Variants in MYO16 observed in about 807,000 individuals in gnomAD.
MYO16 encodes unconventional myosin-XVI.
In MYO16, 94 loss-of-function variants were observed where a neutral mutation model predicts 205.3. The ratio of observed to expected loss-of-function variants is 0.46; its 90% CI spans 0.39 to 0.54. The LOEUF (loss-of-function observed/expected upper bound fraction) is 0.54. Among genes scored for constraint, MYO16 ranks in the 20% least tolerant of loss-of-function variants. The pLI, the probability that MYO16 is intolerant of heterozygous loss-of-function variation, is 0.00. For missense variants in MYO16, 2,315 were observed against 2,387.5 expected, an observed-to-expected ratio of 0.97 and a Z score of 0.63; for synonymous variants, 988 against 954.0, an observed-to-expected ratio of 1.04 and a Z score of -0.66.
chr13:108,720,789 C>T (rs781517762), intron 3 of MYO16, among the ~76,000 whole-genome samples: 20 of 152,262 alleles, frequency 1.3e-4, no homozygotes, highest in Non-Finnish European at 2.2e-4. Context: ...ATAGATCCAA[C>T]GCTCATTTTA....
At chr13:108,672,017 A>T (rs17478999) in intron 2 of MYO16, among the ~76,000 whole-genome samples, 23,048 of 152,158 alleles carry the variant, frequency 0.15, 2,004 homozygotes, top group Non-Finnish European at 0.2. Flanking sequence ...CCCAAGTATA[A>T]AATAATGGAT....
chr13:108,659,350 A>G, intron 1 of MYO16: 2 of 424,472 alleles, frequency 4.7e-6, no homozygotes, highest in Non-Finnish European at 9.4e-6. Context: ...AAACACATCT[A>G]TTTAGATGTC....
At chr13:109,002,137 G>A (rs1433187440) in intron 21 of MYO16, among the ~76,000 whole-genome samples, 1 of 152,132 alleles carries the variant, frequency 6.6e-6, no homozygotes, top group Non-Finnish European at 1.5e-5. Flanking sequence ...TAATTGGTTT[G>A]GGGTCAGGCC....
chr13:108,764,394 T>A (rs1212242894), intron 4 of MYO16, among the ~76,000 whole-genome samples: 4 of 152,202 alleles, frequency 2.6e-5, no homozygotes. Flanking sequence ...CTGTATATCC[T>A]CAGAGCAGAT....
At chr13:108,533,544 C>T in the MYO16 span, among the ~76,000 whole-genome samples, 2 of 152,182 alleles carry the variant, frequency 1.3e-5, no homozygotes, top group African/African-American at 4.8e-5. Flanking sequence ...GGTGAACTTT[C>T]TGGATTGGCA....
chr13:108,612,992 G>A (rs1012829782), intron 1 of MYO16, among the ~76,000 whole-genome samples: 1 of 152,050 alleles, frequency 6.6e-6, no homozygotes, highest in African/African-American at 2.4e-5. Context: ...GTTTGAAGAC[G>A]ATATAGTGTT....
At chr13:109,013,292 G>T in intron 22 of MYO16, among the ~76,000 whole-genome samples, 1 of 152,052 alleles carries the variant, frequency 6.6e-6, no homozygotes, top group East Asian at 1.9e-4. Context: ...CAAAGGACAT[G>T]AACTCATCCT....
intron 2 of MYO16, among the ~76,000 whole-genome samples, chr13:108,685,092 G>A (rs927016679): frequency 6.0e-5 from 9 of 149,148 alleles, no homozygotes; most frequent in African/African-American, 9.9e-5. Context: ...ACACGATCTC[G>A]GCTCACTGCA....
upstream of MYO16, among the ~76,000 whole-genome samples, chr13:108,627,055 A>C (rs118002932): frequency 0.014 from 2,065 of 149,660 alleles, 60 homozygotes; most frequent in South Asian, 0.11. Context: ...TCAGGGATGG[A>C]TATAGAGGAG....
At chr13:108,679,713 A>C (rs1182946202) in intron 2 of MYO16, among the ~76,000 whole-genome samples, 1 of 131,778 alleles carries the variant, frequency 7.6e-6, no homozygotes, top group Non-Finnish European at 1.7e-5. Flanking sequence ...TGGTTCTGCA[A>C]AAAAAAAAAT....
intron 21 of MYO16, among the ~76,000 whole-genome samples, chr13:108,994,830 T>C (rs2139444574): frequency 6.6e-6 from 1 of 152,256 alleles, no homozygotes; most frequent in Non-Finnish European, 1.5e-5. Context: ...AAAGTCTTCA[T>C]AGTGGATTTC....
intron 20 of MYO16, among the ~76,000 whole-genome samples, chr13:108,969,501 G>A (rs1168555271): frequency 6.6e-6 from 1 of 152,056 alleles, no homozygotes; most frequent in Non-Finnish European, 1.5e-5. Context: ...TCTCTTCACT[G>A]TCCACTTTTC....
chr13:108,517,931 C>G, the MYO16 span, among the ~76,000 whole-genome samples: 2 of 152,134 alleles, frequency 1.3e-5, no homozygotes, highest in Non-Finnish European at 2.9e-5. Context: ...GGAACTCGCT[C>G]CAGCCTCTGT....
intron 4 of MYO16, among the ~76,000 whole-genome samples, chr13:108,767,695 CT>C (rs1885828078): frequency 6.6e-6 from 1 of 152,140 alleles, no homozygotes; most frequent in Non-Finnish European, 1.5e-5. Flanking sequence ...CAAACCAAAT[CT>C]ACTGCCTTCA....
chr13:108,638,713 A>G (rs1165930711), intron 1 of MYO16, among the ~76,000 whole-genome samples: 2 of 152,156 alleles, frequency 1.3e-5, no homozygotes, highest in Admixed American at 6.5e-5. Context: ...CTCAGTTTAT[A>G]TGTATAAATA....
intron 16 of MYO16, among the ~76,000 whole-genome samples, chr13:108,937,863 A>G (rs1423011796): frequency 1.3e-5 from 2 of 152,142 alleles, no homozygotes; most frequent in African/African-American, 2.4e-5. Flanking sequence ...CATGCTTTGA[A>G]TGCTTTACCT....
chr13:108,564,651 C>A, the MYO16 span, among the ~76,000 whole-genome samples: 1 of 152,140 alleles, frequency 6.6e-6, no homozygotes, highest in East Asian at 1.9e-4. Context: ...GGCTTTTTAG[C>A]TTGATGTGAT....
chr13:108,813,656 G>T (rs1345355530), intron 7 of MYO16, among the ~76,000 whole-genome samples: 1 of 152,024 alleles, frequency 6.6e-6, no homozygotes, highest in South Asian at 2.1e-4. Context: ...CACTTTCTTT[G>T]TTAGCCACTT....
At chr13:108,689,680 G>T (rs1347996316) in intron 2 of MYO16, among the ~76,000 whole-genome samples, 2 of 151,648 alleles carry the variant, frequency 1.3e-5, no homozygotes, top group East Asian at 3.9e-4. Context: ...GGTAATGAAT[G>T]TACAAATACA....
Sources: gnomAD v4.1 joint callset for allele counts (sites outside exome capture counted in the v4.1 genomes callset) on GRCh38, gnomAD v4.1.1 for gene constraint, MANE v1.5 for transcripts, NCBI Gene and HGNC (gene_info 2026-07-23, HGNC 2026-07-21) for gene names.